CDK5RAP2: variants seen among roughly 807,000 people sequenced by gnomAD.
CDK5RAP2 encodes the protein CDK5 regulatory subunit associated protein 2.
Under a neutral mutation model 232.9 loss-of-function variants are expected in CDK5RAP2, and 147 were observed. That is an observed-to-expected ratio of 0.63 (90% CI 0.55 to 0.72). The LOEUF (loss-of-function observed/expected upper bound fraction) is 0.72, where lower values mean the gene tolerates loss of function less well. Ranked by LOEUF, CDK5RAP2 falls within the 30% of genes least tolerant of loss-of-function variation. The pLI, the probability that CDK5RAP2 is intolerant of heterozygous loss-of-function variation, is 0.00. For missense variants in CDK5RAP2, 2,195 were observed against 2,231.5 expected (o/e 0.98, Z 0.33); for synonymous variants, 833 against 833.7 (o/e 1.00, Z 0.01).
intron 32 of CDK5RAP2, 106 bp from the exon 33 acceptor site, chr9:120,404,219 C>T (rs2033277276): frequency 2.6e-6 from 2 of 765,428 alleles, no homozygotes; most frequent in South Asian, 2.9e-5. Flanking sequence ...TATCCATACA[C>T]ACACAGCATT....
chr9:120,485,293 C>CTTT (rs111411839), intron 14 of CDK5RAP2, among the ~76,000 whole-genome samples: 30 of 132,352 alleles, frequency 2.3e-4, no homozygotes, highest in Non-Finnish European at 3.4e-4. Context: ...CATTTAGATA[C>CTTT]TTTTTTTTTT....
At chr9:120,477,234 T>G (rs2038063458) in intron 15 of CDK5RAP2, 116 bp downstream of exon 15, 3 of 829,204 alleles carry the variant, frequency 3.6e-6, no homozygotes, top group Non-Finnish European at 6.3e-6. Flanking sequence ...ATAAGCAAAC[T>G]GGCAGGGCTT....
At chr9:120,475,106 C>T (rs2037930649) in intron 15 of CDK5RAP2, among the ~76,000 whole-genome samples, 1 of 152,140 alleles carries the variant, frequency 6.6e-6, no homozygotes, top group Non-Finnish European at 1.5e-5. Context: ...TCAACACAAC[C>T]CTGTAAAGCA....
intron 14 of CDK5RAP2, among the ~76,000 whole-genome samples, chr9:120,479,189 T>C (rs1235190165): frequency 6.6e-6 from 1 of 152,062 alleles, no homozygotes; most frequent in African/African-American, 2.4e-5. Context: ...AAAACAGGAA[T>C]TCATAAATCC....
rs56224825 is a variant in CDK5RAP2 at position 120,409,071 on chromosome 9, C to T, written c.4604+56G>A. On this transcript the variant is annotated intron_variant, in intron 30 of 37. Coordinates refer to ENST00000349780, the MANE Select transcript of CDK5RAP2 (RefSeq NM_018249.6). ...TGCGTGCTGATTCCACGACTGCAGC[C>T]CAGTGCCTGCATGCGTGGTACGGCC... 3.5e-4 allele frequency: 540 copies of T among 1,550,442 alleles called. 3 individuals carry two copies. The African/African-American group carries it at 6.3e-3, about 18-fold the overall frequency.
At chr9:120,530,291 A>C (rs2041093176) in intron 7 of CDK5RAP2, 151 bp from the exon 8 acceptor site, 5 of 629,570 alleles carry the variant, frequency 7.9e-6, no homozygotes, top group Non-Finnish European at 1.4e-5. Flanking sequence ...GTAGGAGATT[A>C]AGCGTCAGAA....
intron 23 of CDK5RAP2, among the ~76,000 whole-genome samples, chr9:120,443,115 C>T (rs1194321691): frequency 6.6e-6 from 1 of 152,140 alleles, no homozygotes; most frequent in Non-Finnish European, 1.5e-5. Flanking sequence ...CTTGCCTCTG[C>T]CCTCACCCGT....
intron 2 of CDK5RAP2, 42 bp downstream of exon 2, chr9:120,571,932 C>A: frequency 1.3e-6 from 2 of 1,513,560 alleles, no homozygotes; most frequent in South Asian, 1.1e-5. Context: ...GTCTACTTTC[C>A]TTGTTCTTTA....
intron 3 of CDK5RAP2, among the ~76,000 whole-genome samples, chr9:120,558,371 CAAAAAAA>C (rs60669308): frequency 6.4e-3 from 257 of 40,046 alleles, no homozygotes; most frequent in Middle Eastern, 0.033. Flanking sequence ...GACTCCGTCT[CAAAAAAA>C]AAAAAAAAAA....
At chr9:120,487,080 T>G (rs2038650308) in intron 14 of CDK5RAP2, among the ~76,000 whole-genome samples, 1 of 152,190 alleles carries the variant, frequency 6.6e-6, no homozygotes, top group Non-Finnish European at 1.5e-5. Context: ...AAGCTATGCT[T>G]TCTCAGTTTC....
intron 24 of CDK5RAP2, 61 bp downstream of exon 24, chr9:120,439,338 C>A (rs1011194113): frequency 7.3e-7 from 1 of 1,363,742 alleles, no homozygotes; most frequent in Non-Finnish European, 1.0e-6. Context: ...TGGGCTCCCA[C>A]CTAGTGGCAA....
intron 11 of CDK5RAP2, among the ~76,000 whole-genome samples, chr9:120,524,579 A>C (rs1036918016): frequency 6.6e-6 from 1 of 152,088 alleles, no homozygotes; most frequent in Non-Finnish European, 1.5e-5. Flanking sequence ...CGGAGGTTGC[A>C]GTGAGCAGAG....
chr9:120,424,935 G>C (rs933973572), intron 25 of CDK5RAP2, among the ~76,000 whole-genome samples: 2 of 152,070 alleles, frequency 1.3e-5, no homozygotes, highest in African/African-American at 4.8e-5. Context: ...GGCCTCAAGT[G>C]ATCCACCTGC....
Position 120,403,760 on chromosome 9 carries a change from T to C in CDK5RAP2, c.5041+276A>G. On this transcript the variant is annotated intron_variant, in intron 33 of 37. Transcript: ENST00000349780. This position sits in a 1 kb window ranked among gnomAD's most constrained non-coding sequence, Gnocchi z 4.2. ...TAAGGCTGGACGGACCCACTGGAGC[T>C]GGATCCTGGAGGGCCTTGAAAGCCT... is the stretch of plus-strand genomic sequence containing the variant. 4.0e-6 allele frequency: 2 copies of C among 496,404 alleles called. No homozygotes were observed. Among genetic ancestry groups the C allele is most frequent in the South Asian group, 2.0e-5 (1 of 48,822 alleles). 30.7% of individuals were successfully genotyped at this position (496,404 alleles called of 1,614,324 possible). A position where few individuals can be genotyped will look rare whatever the true frequency, so the allele number is the denominator to read the frequency against.
chr9:120,407,711 T>TC (rs1554729867), intron 31 of CDK5RAP2: 129 of 142,340 alleles, frequency 9.1e-4, no homozygotes, highest in African/African-American at 3.3e-3. Context: ...ATTAGTAAAA[T>TC]AAAAAAAAAA....
At chr9:120,545,610 G>C (rs1024541430) in intron 5 of CDK5RAP2, 104 bp downstream of exon 5, 3 of 869,894 alleles carry the variant, frequency 3.4e-6, no homozygotes, top group Non-Finnish European at 6.0e-6. Flanking sequence ...GCAGTCCTCA[G>C]AGTCCAGATG....
chr9:120,558,102 C>T (rs376122586), intron 3 of CDK5RAP2, among the ~76,000 whole-genome samples: 5 of 141,136 alleles, frequency 3.5e-5, no homozygotes, highest in African/African-American at 5.1e-5. Context: ...AGGCTGGGCA[C>T]GGTGACTCAC....
chr9:120,545,251 T>C (rs1271487741), intron 5 of CDK5RAP2, among the ~76,000 whole-genome samples: 1 of 152,198 alleles, frequency 6.6e-6, no homozygotes, highest in Non-Finnish European at 1.5e-5. Flanking sequence ...ACTACTGATA[T>C]AATTAACAAC....
At chr9:120,421,959 T>C (rs1296195759) in intron 26 of CDK5RAP2, among the ~76,000 whole-genome samples, 6 of 152,316 alleles carry the variant, frequency 3.9e-5, no homozygotes, top group African/African-American at 1.4e-4. Context: ...CTTTATATGG[T>C]GAGAACTAGT....
Sources: gnomAD v4.1 joint callset for allele counts (sites outside exome capture counted in the v4.1 genomes callset) on GRCh38, gnomAD v4.1.1 for gene constraint, Gnocchi (gnomAD v3.1) non-coding constraint, MANE v1.5 for transcripts, NCBI Gene and HGNC (gene_info 2026-07-23, HGNC 2026-07-21) for gene names.